The following PDE11A variants were observed in gnomAD, a reference collection of about 807,000 sequenced individuals.
The protein encoded by PDE11A is phosphodiesterase 11A.
In PDE11A, 100 loss-of-function variants were observed where a neutral mutation model predicts 100.5. The observed-to-expected ratio is 1.00, with a 90% CI of 0.85 to 1.18. The LOEUF is 1.18. Ranked by LOEUF, PDE11A falls within the 50% of genes most tolerant of loss-of-function variation. The probability of loss-of-function intolerance (pLI) is 0.00; values close to 1 mark genes in which losing one functional copy is unlikely to be tolerated. For synonymous variants in PDE11A, 381 were observed against 420.8 expected (o/e 0.91, Z 1.16); for missense variants, 1,141 against 1,152.6 (o/e 0.99, Z 0.15).
chr2:177,996,485 A>G lies in PDE11A; in HGVS notation c.1071+17817T>C, dbSNP rs372668457. ...CATATATACATATATATATATATAT[A>G]TGTATATACACACATATACGCTTAT... On this transcript the variant is annotated intron_variant, in intron 2 of 19. Transcript: ENST00000286063. 6.8e-5 allele frequency among the ~76,000 whole-genome samples: 10 copies of G among 146,428 alleles called. No individual in the cohort carries two copies. In the East Asian group the frequency reaches 1.8e-3, roughly 26 times the overall value.
intron 1 of PDE11A, among the ~76,000 whole-genome samples, chr2:178,052,120 A>T (rs1325788169): frequency 3.9e-5 from 6 of 152,074 alleles, no homozygotes; most frequent in Non-Finnish European, 8.8e-5. Context: ...GAAGTACAGC[A>T]CTCCTCAGCA....
At chr2:177,706,895 G>T (rs1574064490) in intron 13 of PDE11A, among the ~76,000 whole-genome samples, 2 of 150,314 alleles carry the variant, frequency 1.3e-5, no homozygotes, top group South Asian at 4.2e-4. Flanking sequence ...CTCGGTTTTT[G>T]TTTTTTTTTG....
chr2:177,711,652 C>T (rs2081360419), intron 13 of PDE11A, 117 bp downstream of exon 13: 1 of 717,130 alleles, frequency 1.4e-6, no homozygotes, highest in Middle Eastern at 2.3e-4. Context: ...ACGCCCAAGC[C>T]TGCATGGCCT....
At chr2:177,928,527 G>GAT (rs2085162186) in intron 2 of PDE11A, among the ~76,000 whole-genome samples, 1 of 151,688 alleles carries the variant, frequency 6.6e-6, no homozygotes, top group South Asian at 2.1e-4. Context: ...CAGAGAGAGA[G>GAT]AGAACTGTAG....
intron 16 of PDE11A, among the ~76,000 whole-genome samples, chr2:177,676,377 C>T (rs2080773621): frequency 6.6e-6 from 1 of 152,196 alleles, no homozygotes; most frequent in Non-Finnish European, 1.5e-5. Context: ...GCTGGGGAAC[C>T]ACATCTTGGC....
At chr2:178,088,543 T>C (rs2087385678) in intron 2 of PDE11A, among the ~76,000 whole-genome samples, 2 of 152,226 alleles carry the variant, frequency 1.3e-5, no homozygotes, top group Admixed American at 1.3e-4. Context: ...GTACCTTCTG[T>C]AACACACAAA....
chr2:178,063,582 G>A (rs2087000830), intron 1 of PDE11A, among the ~76,000 whole-genome samples: 2 of 152,182 alleles, frequency 1.3e-5, no homozygotes, highest in South Asian at 4.1e-4. Context: ...GTAAGTTTAG[G>A]ATTGGCTAGT....
intron 2 of PDE11A, chr2:177,921,642 C>T (rs1449777279): frequency 6.6e-6 from 1 of 152,120 alleles, no homozygotes; most frequent in East Asian, 1.9e-4. Flanking sequence ...TGACTTCGTA[C>T]ATTTCAAACC....
At chr2:177,720,058 G>A (rs1443059949) in intron 12 of PDE11A, among the ~76,000 whole-genome samples, 1 of 151,878 alleles carries the variant, frequency 6.6e-6, no homozygotes, top group African/African-American at 2.4e-5. Flanking sequence ...GGATCACGGT[G>A]GTCAGAGAAT....
At chr2:177,758,273 G>A (rs1278187830) in intron 10 of PDE11A, among the ~76,000 whole-genome samples, 1 of 147,938 alleles carries the variant, frequency 6.8e-6, no homozygotes, top group Non-Finnish European at 1.5e-5. Context: ...CTCCAGCCTG[G>A]GTGAGAGTGC....
chr2:177,882,201 G>A (rs770630322), intron 4 of PDE11A, among the ~76,000 whole-genome samples: 2 of 152,158 alleles, frequency 1.3e-5, no homozygotes, highest in Non-Finnish European at 2.9e-5. Context: ...TAGGCAGGCA[G>A]GCCATTGGCT....
At chr2:178,016,395 A>G (rs912742464) in intron 1 of PDE11A, among the ~76,000 whole-genome samples, 1 of 152,066 alleles carries the variant, frequency 6.6e-6, no homozygotes, top group Non-Finnish European at 1.5e-5. Context: ...TCAAAACCCA[A>G]ACAAAACCAA....
intron 1 of PDE11A, among the ~76,000 whole-genome samples, chr2:178,027,647 T>TA (rs1277611798): frequency 3.9e-5 from 6 of 152,106 alleles, no homozygotes; most frequent in African/African-American, 4.8e-5. Flanking sequence ...TCACCCTAGC[T>TA]AAAAAATCTC....
chr2:177,694,390 CA>C (rs1316594470), intron 15 of PDE11A, among the ~76,000 whole-genome samples: 6 of 152,134 alleles, frequency 3.9e-5, no homozygotes, highest in African/African-American at 1.4e-4. Context: ...TAAAAGGATA[CA>C]GACTTTCCAT....
intron 9 of PDE11A, among the ~76,000 whole-genome samples, chr2:177,781,593 G>T (rs1315355365): frequency 6.6e-5 from 10 of 151,610 alleles, no homozygotes; most frequent in East Asian, 5.8e-4. Flanking sequence ...GCCTCCATCT[G>T]CTGGGTTCAA....
At chr2:177,830,899 T>C (rs1038226198) in intron 6 of PDE11A, among the ~76,000 whole-genome samples, 2 of 152,136 alleles carry the variant, frequency 1.3e-5, no homozygotes, top group African/African-American at 4.8e-5. Context: ...TTTCATAGAA[T>C]CTTGTAACAG....
chr2:178,080,490 G>A (rs2087271275), intron 2 of PDE11A, among the ~76,000 whole-genome samples: 1 of 152,064 alleles, frequency 6.6e-6, no homozygotes, highest in African/African-American at 2.4e-5. Context: ...TCTCTATTCT[G>A]TTCCATTGGT....
At chr2:177,872,533 G>C (rs1211676424) in intron 5 of PDE11A, among the ~76,000 whole-genome samples, 1 of 152,108 alleles carries the variant, frequency 6.6e-6, no homozygotes, top group Non-Finnish European at 1.5e-5. Context: ...TTTAAAAATG[G>C]CTTCAAGGAC....
At chr2:177,675,362 C>A in intron 17 of PDE11A, 93 bp downstream of exon 17, 1 of 897,494 alleles carries the variant, frequency 1.1e-6, no homozygotes, top group Non-Finnish European at 1.9e-6. Context: ...ACTAGGGTTT[C>A]AGTGCCTGGT....
Sources: allele counts gnomAD v4.1 joint callset (sites outside exome capture counted in the v4.1 genomes callset), GRCh38; gene constraint gnomAD v4.1.1; transcripts MANE v1.5; gene names NCBI Gene and HGNC (gene_info 2026-07-23, HGNC 2026-07-21).